DPP10: variants seen among roughly 807,000 people sequenced by gnomAD.
DPP10 encodes the protein inactive dipeptidyl peptidase 10.
Under a neutral mutation model 120.9 loss-of-function variants are expected in DPP10, and 33 were observed. That is an observed-to-expected ratio of 0.27 (90% CI 0.21 to 0.37). The LOEUF (loss-of-function observed/expected upper bound fraction) is 0.37. Among genes scored for constraint, DPP10 ranks in the 10% least tolerant of loss-of-function variants. The probability of loss-of-function intolerance (pLI) is 1.00; values close to 1 mark genes in which losing one functional copy is unlikely to be tolerated. For missense variants in DPP10, 816 were observed against 942.8 expected (o/e 0.87, Z 1.76); for synonymous variants, 337 against 326.1 (o/e 1.03, Z -0.36).
chr2:115,800,615 A>C (rs2149966620), intron 19 of DPP10, among the ~76,000 whole-genome samples: 1 of 152,156 alleles, frequency 6.6e-6, no homozygotes, highest in South Asian at 2.1e-4. Flanking sequence ...TTTTTGTATA[A>C]GGTGTAAGGG....
At chr2:115,493,186 G>T (rs555217439) in intron 3 of DPP10, among the ~76,000 whole-genome samples, 1 of 152,080 alleles carries the variant, frequency 6.6e-6, no homozygotes, top group African/African-American at 2.4e-5. Context: ...CTGTGTAATG[G>T]TAATACCTAG....
chr2:115,093,681 A>T (rs1709471766), intron 1 of DPP10, among the ~76,000 whole-genome samples: 1 of 152,126 alleles, frequency 6.6e-6, no homozygotes, highest in Non-Finnish European at 1.5e-5. Context: ...TGAAACAATG[A>T]TTCTGACTCA....
intron 11 of DPP10, among the ~76,000 whole-genome samples, chr2:115,760,379 T>C (rs1679966755): frequency 6.6e-6 from 1 of 152,160 alleles, no homozygotes; most frequent in Non-Finnish European, 1.5e-5. Context: ...AGGCATATGC[T>C]GTCTATGGGG....
intron 1 of DPP10, among the ~76,000 whole-genome samples, chr2:115,269,177 A>G (rs966853588): frequency 6.6e-6 from 1 of 152,150 alleles, no homozygotes; most frequent in Non-Finnish European, 1.5e-5. Context: ...CAGAAGCTCA[A>G]TAAGTGTTAT....
At chr2:114,956,186 A>G (rs1160134463) in intron 1 of DPP10, among the ~76,000 whole-genome samples, 2 of 152,164 alleles carry the variant, frequency 1.3e-5, no homozygotes, top group South Asian at 2.1e-4. Context: ...ATTCCTATGC[A>G]TAAAAAACCC....
At chr2:114,514,651 G>A (rs755043852) in intron 1 of DPP10, among the ~76,000 whole-genome samples, 2 of 152,144 alleles carry the variant, frequency 1.3e-5, no homozygotes, top group Non-Finnish European at 2.9e-5. Context: ...ACTTGGGGAT[G>A]TGAAAACCAC....
At chr2:114,755,165 G>C (rs1679611405) in intron 1 of DPP10, among the ~76,000 whole-genome samples, 1 of 152,140 alleles carries the variant, frequency 6.6e-6, no homozygotes, top group Non-Finnish European at 1.5e-5. Flanking sequence ...TGGTTAGCAG[G>C]ACCAGGAAGT....
intron 1 of DPP10, among the ~76,000 whole-genome samples, chr2:115,210,539 G>T (rs7557779): frequency 0.79 from 120,411 of 152,036 alleles, 47,955 homozygotes; most frequent in East Asian, 0.89. Context: ...TACCTAGTAA[G>T]GGGATGGTTG....
At chr2:114,786,726 G>C (rs945403655) in intron 1 of DPP10, among the ~76,000 whole-genome samples, 5 of 152,138 alleles carry the variant, frequency 3.3e-5, no homozygotes, top group Middle Eastern at 3.2e-3. Flanking sequence ...CTGGTTACTG[G>C]TAATTTAGTT....
intron 1 of DPP10, among the ~76,000 whole-genome samples, chr2:114,741,717 C>T (rs1432882272): frequency 3.3e-5 from 5 of 152,086 alleles, no homozygotes; most frequent in African/African-American, 1.2e-4. Flanking sequence ...GAGAACACCA[C>T]GTGAACATAG....
intron 1 of DPP10, among the ~76,000 whole-genome samples, chr2:114,650,072 C>T (rs191260059): frequency 1.8e-4 from 27 of 152,196 alleles, no homozygotes; most frequent in African/African-American, 5.8e-4. Context: ...TAGGAGATTT[C>T]GATCAAGTTT....
intron 15 of DPP10, 71 bp from the exon 16 acceptor site, chr2:115,780,803 A>G (rs1682663964): frequency 2.1e-6 from 3 of 1,406,698 alleles, no homozygotes; most frequent in African/African-American, 1.4e-5. Context: ...TTATATTTAA[A>G]TATGAACACC....
intron 1 of DPP10, among the ~76,000 whole-genome samples, chr2:115,236,434 T>C (rs1358326764): frequency 6.6e-6 from 1 of 152,146 alleles, no homozygotes; most frequent in African/African-American, 2.4e-5. Flanking sequence ...AGAGGGGAAG[T>C]CATTTTCTTT....
intron 5 of DPP10, among the ~76,000 whole-genome samples, chr2:115,634,551 G>T (rs1364449596): frequency 2.6e-5 from 4 of 152,142 alleles, no homozygotes; most frequent in Non-Finnish European, 2.9e-5. Flanking sequence ...GTCACCAGTG[G>T]AGGCTATAGA....
At chr2:114,648,156 G>A (rs1170987601) in intron 1 of DPP10, among the ~76,000 whole-genome samples, 5 of 152,098 alleles carry the variant, frequency 3.3e-5, no homozygotes, top group African/African-American at 9.7e-5. Flanking sequence ...CCACTTCTAC[G>A]TGACTCCCAC....
intron 3 of DPP10, among the ~76,000 whole-genome samples, chr2:115,418,221 C>T (rs114004707): frequency 9.9e-5 from 15 of 152,190 alleles, no homozygotes; most frequent in African/African-American, 3.6e-4. Context: ...TTTGGTCTGG[C>T]CAGCTAAAAA....
chr2:115,704,671 A>C (rs2092030046), intron 7 of DPP10, among the ~76,000 whole-genome samples: 2 of 151,994 alleles, frequency 1.3e-5, no homozygotes. Flanking sequence ...GAGAAGATAG[A>C]TCTTGTAAAG....
intron 1 of DPP10, among the ~76,000 whole-genome samples, chr2:115,273,302 G>A (rs796144670): frequency 5.9e-5 from 9 of 151,986 alleles, no homozygotes; most frequent in African/African-American, 1.9e-4. Flanking sequence ...TATCTATACC[G>A]TTTTTTCAGA....
intron 1 of DPP10, among the ~76,000 whole-genome samples, chr2:114,894,667 C>T (rs74756194): frequency 1.6e-3 from 249 of 152,052 alleles, no homozygotes; most frequent in African/African-American, 5.5e-3. Context: ...AATGATTTCG[C>T]GGATTTTTAA....
Sources: gnomAD v4.1 joint callset for allele counts (sites outside exome capture counted in the v4.1 genomes callset) on GRCh38, gnomAD v4.1.1 for gene constraint, MANE v1.5 for transcripts, NCBI Gene and HGNC (gene_info 2026-07-23, HGNC 2026-07-21) for gene names.